Variants in PPFIBP1 observed in about 807,000 individuals in gnomAD.
PPFIBP1 encodes liprin-beta-1.
Under a neutral mutation model 137.8 loss-of-function variants are expected in PPFIBP1, and 112 were observed. That is an observed-to-expected ratio of 0.81 (90% CI 0.70 to 0.95). The LOEUF is 0.95. PPFIBP1 is among the 40% of genes least tolerant of loss of function. The pLI is 0.00. For synonymous variants in PPFIBP1, 378 were observed against 417.3 expected (o/e 0.91, Z 1.15); for missense variants, 1,083 against 1,196.6 (o/e 0.91, Z 1.40).
intron 4 of PPFIBP1, among the ~76,000 whole-genome samples, chr12:27,644,511 A>G (rs1047003490): frequency 3.9e-5 from 6 of 152,218 alleles, no homozygotes; most frequent in Non-Finnish European, 7.4e-5. Context: ...CAAAATAAGG[A>G]ATTTAAAGCT....
At position 27,652,440 on chromosome 12, in the gene PPFIBP1, A is replaced by T. The variant is rs541092076; in HGVS notation, c.604-2282A>T. On this transcript the variant is annotated intron_variant, in intron 7 of 29. Coordinates refer to ENST00000228425, the MANE Select transcript of PPFIBP1 (RefSeq NM_003622.4). ...AAGGGAAAAGAGAAAGGGAACAGGA[A>T]TTTTCTTTTTTAAAAGGACTGAACT... is the stretch of plus-strand genomic sequence containing the variant. 5.9e-5 allele frequency among the ~76,000 whole-genome samples: 9 copies of T among 152,306 alleles called. 1 individual carries two copies. The highest frequency in any genetic ancestry group is 4.1e-4 in the South Asian group (2 of 4,834).
chr12:27,575,038 G>A (rs765562524), intron 1 of PPFIBP1, among the ~76,000 whole-genome samples: 9 of 152,296 alleles, frequency 5.9e-5, no homozygotes, highest in Admixed American at 1.3e-4. Flanking sequence ...ACTATACCAG[G>A]ATTAGCATTT....
chr12:27,543,007 G>A (rs921975345), intron 1 of PPFIBP1, among the ~76,000 whole-genome samples: 2 of 152,118 alleles, frequency 1.3e-5, no homozygotes, highest in African/African-American at 2.4e-5. Flanking sequence ...CATGAGAAAA[G>A]ACAAATCTGT....
At chr12:27,647,686 C>G (rs1376638598) in intron 5 of PPFIBP1, 43 bp from the exon 6 acceptor site, 1 of 1,274,642 alleles carries the variant, frequency 7.8e-7, no homozygotes, top group African/African-American at 1.5e-5. Context: ...CAGTGGGACC[C>G]AAATTCTTTT....
At chr12:27,628,279 C>G (rs2056995613) in intron 2 of PPFIBP1, among the ~76,000 whole-genome samples, 1 of 152,130 alleles carries the variant, frequency 6.6e-6, no homozygotes, top group Non-Finnish European at 1.5e-5. Flanking sequence ...CTCCTGGGCT[C>G]AAGTGATCCA....
chr12:27,561,108 A>G (rs141825888), intron 1 of PPFIBP1, among the ~76,000 whole-genome samples: 5 of 152,270 alleles, frequency 3.3e-5, no homozygotes, highest in African/African-American at 1.2e-4. Flanking sequence ...ATAGTGGGGT[A>G]TAGGGAGGGA....
rs2060202087 is a variant in PPFIBP1, at chr12:27,671,567, G to A, written c.1262+21G>A. On this transcript the variant is annotated intron_variant, in intron 14 of 29. Transcript: ENST00000228425. ...GAAAAGTATGTCATTTATTAACAGT[G>A]CAATATAAATGTTCAAAAAAGTAGA... 8 of 1,416,000 alleles carry A rather than the reference G, an allele frequency of 5.6e-6. No individual in the cohort carries two copies. The East Asian group carries it at 9.4e-5, about 17-fold the overall frequency. 87.7% of individuals were successfully genotyped at this position (1,416,000 alleles called of 1,614,324 possible).
chr12:27,671,228 A>G (rs2140173428), intron 13 of PPFIBP1, among the ~76,000 whole-genome samples: 1 of 152,348 alleles, frequency 6.6e-6, no homozygotes, highest in East Asian at 1.9e-4. Flanking sequence ...CAAGTTAAAA[A>G]GTTTCCTTCC....
At chr12:27,682,854 C>T (rs999596365) in intron 24 of PPFIBP1, 151 bp downstream of exon 24, 1 of 1,328,342 alleles carries the variant, frequency 7.5e-7, no homozygotes, top group East Asian at 2.5e-5. Flanking sequence ...GCATATTTCC[C>T]ATGAGGCTGA....
chr12:27,649,947 G>A (rs1453754476), intron 6 of PPFIBP1, 63 bp from the exon 7 acceptor site: 1 of 1,469,818 alleles, frequency 6.8e-7, no homozygotes, highest in Non-Finnish European at 9.3e-7. Context: ...TCATAAATGA[G>A]GTAAATTCAC....
At chr12:27,555,861 A>AAG (rs1266235956) in intron 1 of PPFIBP1, among the ~76,000 whole-genome samples, 1 of 152,232 alleles carries the variant, frequency 6.6e-6, no homozygotes, top group East Asian at 1.9e-4. Context: ...ATAAAATTAT[A>AAG]GCTTAAATCA....
In PPFIBP1 at chr12:27,688,415, G is replaced by A; in HGVS notation, c.2488G>A (p.Gly830Arg). ...TCTCAGAGGCAGTGGTGTCCATGGT[G>A]GGCTCATGGTAAAGCTCTGATTTAA... is the stretch of plus-strand genomic sequence containing the variant. ...PNLRGSGVHGGLMVLEPRFNV... is the reference protein window; with the variant it reads ...PNLRGSGVHGRLMVLEPRFNV... The change falls in exon 26 of 30, where the codon GGG becomes AGG. Residue 830 changes from glycine to arginine, a missense_variant. Gly to Arg is a moderately radical substitution (Grantham distance 125). Coordinates refer to ENST00000228425, the MANE Select transcript of PPFIBP1 (RefSeq NM_003622.4). The A allele has an allele frequency of 6.2e-7, 1 of 1,613,994 alleles. No individual in the cohort carries two copies.
chr12:27,636,618 T>A (rs1358302220), intron 4 of PPFIBP1: 1 of 152,144 alleles, frequency 6.6e-6, no homozygotes, highest in Non-Finnish European at 1.5e-5. Context: ...ATGTGCTTAA[T>A]CTGTTCTGTG....
At chr12:27,541,793 G>A (rs554648960) in intron 1 of PPFIBP1, among the ~76,000 whole-genome samples, 1 of 152,292 alleles carries the variant, frequency 6.6e-6, no homozygotes, top group Non-Finnish European at 1.5e-5. Context: ...CCATTAATTT[G>A]GAGGAAACCA....
intron 9 of PPFIBP1, 81 bp downstream of exon 9, chr12:27,656,811 T>TAATCAG: frequency 1.0e-6 from 1 of 968,540 alleles, no homozygotes; most frequent in Non-Finnish European, 1.6e-6. Context: ...TGAAAATCAA[T>TAATCAG]GTGTAGTTTT....
chr12:27,659,456 A>AT (rs397808087), intron 10 of PPFIBP1, among the ~76,000 whole-genome samples: 1 of 151,186 alleles, frequency 6.6e-6, no homozygotes. Context: ...ACAAAAAAAA[A>AT]TTTAAAATTA....
chr12:27,552,090 T>C (rs1233590510), intron 1 of PPFIBP1, among the ~76,000 whole-genome samples: 6 of 152,252 alleles, frequency 3.9e-5, no homozygotes, highest in Admixed American at 2.6e-4. Flanking sequence ...CTCAAACATT[T>C]CTAATGAATT....
In PPFIBP1 at chr12:27,527,941, G is replaced by GC. The variant is rs1943962277; in HGVS notation, c.-124+3577dup. 3.3e-5 allele frequency among the ~76,000 whole-genome samples: 5 copies of GC among 151,940 alleles called. No homozygotes were observed. The South Asian group carries it at 1.0e-3, about 32-fold the overall frequency. On this transcript the variant is annotated intron_variant, in intron 1 of 29. Transcript: ENST00000228425. ...CTCATTTTGATGCAGGGTATTCTTT[G>GC]CTTTTTTGTTTGTTTGTTTGTTTTT... is the stretch of plus-strand genomic sequence containing the variant.
At chr12:27,525,472 C>CCT (rs1267357808) in intron 1 of PPFIBP1, among the ~76,000 whole-genome samples, 2 of 149,304 alleles carry the variant, frequency 1.3e-5, no homozygotes, top group Non-Finnish European at 3.0e-5. Context: ...GATTCAGGAC[C>CCT]CTCTCATCAG....
Sources: allele counts gnomAD v4.1 joint callset (sites outside exome capture counted in the v4.1 genomes callset), GRCh38; gene constraint gnomAD v4.1.1; transcripts MANE v1.5; gene names NCBI Gene and HGNC (gene_info 2026-07-23, HGNC 2026-07-21).